The following NDST1 variants were observed in gnomAD, a reference collection of about 807,000 sequenced individuals.
The protein encoded by NDST1 is N-deacetylase and N-sulfotransferase 1, also known as bifunctional heparan sulfate N-deacetylase/N-sulfotransferase 1.
Under a neutral mutation model 92.8 loss-of-function variants are expected in NDST1, and 35 were observed. The ratio of observed to expected loss-of-function variants is 0.38; its 90% CI spans 0.29 to 0.50. The LOEUF (loss-of-function observed/expected upper bound fraction) is 0.50, where lower values mean the gene tolerates loss of function less well. Ranked by LOEUF, NDST1 falls within the 20% of genes least tolerant of loss-of-function variation. NDST1 has a pLI of 0.94. For missense variants in NDST1, 822 were observed against 1,182.7 expected (o/e 0.69, Z 4.47); for synonymous variants, 493 against 500.3 (o/e 0.99, Z 0.19).
intron 1 of NDST1, among the ~76,000 whole-genome samples, chr5:150,513,336 C>G (rs964350199): frequency 6.7e-6 from 1 of 149,044 alleles, no homozygotes; most frequent in African/African-American, 2.5e-5. Flanking sequence ...ACTAAAAATA[C>G]AAAAATTAGC....
intron 1 of NDST1, among the ~76,000 whole-genome samples, chr5:150,515,387 G>A (rs536506245): frequency 4.6e-5 from 7 of 152,236 alleles, no homozygotes; most frequent in Non-Finnish European, 8.8e-5. Flanking sequence ...TACTGTGCAA[G>A]CCAAAGAGCA....
intron 5 of NDST1, 111 bp from the exon 6 acceptor site, chr5:150,535,589 C>T: frequency 7.3e-7 from 1 of 1,365,078 alleles, no homozygotes; most frequent in Non-Finnish European, 1.0e-6. Flanking sequence ...CTCAGACCAG[C>T]AGCCATGCCG....
In NDST1 at chr5:150,553,894, C is replaced by T; in HGVS notation, c.*562C>T. ...CCCAGCCTCCACATCTGGTTCCTAC[C>T]TTCACATCTCACCCTCCCGTTCTGG... is the stretch of plus-strand genomic sequence containing the variant. On this transcript the variant is annotated 3_prime_UTR_variant, in exon 15 of 15. Transcript: ENST00000261797. This position sits in a 1 kb window ranked among gnomAD's most constrained non-coding sequence, Gnocchi z 4.2. 2.3e-6 allele frequency: 1 copy of T among 426,610 alleles called. No individual in the cohort carries two copies. The highest frequency in any genetic ancestry group is 4.1e-6 in the Non-Finnish European group (1 of 241,824). The allele number at this position is 426,610 out of a possible 1,614,324, so 26.4% of individuals were successfully genotyped here. A position where few individuals can be genotyped will look rare whatever the true frequency, so the allele number is the denominator to read the frequency against.
At chr5:150,513,425 G>C (rs980886147) in intron 1 of NDST1, among the ~76,000 whole-genome samples, 2 of 152,184 alleles carry the variant, frequency 1.3e-5, no homozygotes, top group Non-Finnish European at 2.9e-5. Flanking sequence ...TTGAACCCAG[G>C]AGGGGAAGGC....
At chr5:150,535,258 T>C (rs895892225) in intron 5 of NDST1, 1 of 953,452 alleles carries the variant, frequency 1.0e-6, no homozygotes, top group Non-Finnish European at 1.2e-6. Context: ...TACTAAGAGG[T>C]CCAGCTGGGA....
chr5:150,534,038 G>A (rs914602238), intron 4 of NDST1, among the ~76,000 whole-genome samples: 6 of 150,438 alleles, frequency 4.0e-5, no homozygotes, highest in African/African-American at 1.5e-4. Context: ...AGCTATGATC[G>A]CACAACTGTA....
intron 1 of NDST1, among the ~76,000 whole-genome samples, chr5:150,500,127 T>G (rs918563483): frequency 2.0e-5 from 3 of 152,210 alleles, no homozygotes; most frequent in African/African-American, 7.2e-5. Flanking sequence ...TAAGATGTCT[T>G]CTCCTGGAAG....
At position 150,529,284 on chromosome 5, in the gene NDST1, T is replaced by G. The variant is rs1165263273; in HGVS notation, c.1008+986T>G. Among the ~76,000 whole-genome samples the G allele has an allele frequency of 2.7e-5, 4 of 146,366 alleles. No individual in the cohort carries two copies. The East Asian group carries it at 8.1e-4, about 30-fold the overall frequency. On this transcript the variant is annotated intron_variant, in intron 3 of 14. Coordinates refer to ENST00000261797, the MANE Select transcript of NDST1 (RefSeq NM_001543.5). Reference sequence around the variant, plus strand: ...TAGTAGTCCTGTAGTCCTAGCTATCTGGGAGGCTGAGGCAGGAGGATTGCT... The same window carrying G: ...TAGTAGTCCTGTAGTCCTAGCTATCGGGGAGGCTGAGGCAGGAGGATTGCT...
At chr5:150,511,789 G>A (rs1371850346) in intron 1 of NDST1, among the ~76,000 whole-genome samples, 1 of 152,126 alleles carries the variant, frequency 6.6e-6, no homozygotes, top group Non-Finnish European at 1.5e-5. Context: ...ATTTGCTTCT[G>A]GTCTCGGCCT....
At chr5:150,532,719 G>A (rs1367391893) in intron 3 of NDST1, among the ~76,000 whole-genome samples, 1 of 152,138 alleles carries the variant, frequency 6.6e-6, no homozygotes, top group African/African-American at 2.4e-5. Context: ...TAGAGACTGG[G>A]TTTTGCCATG....
chr5:150,503,089 TG>T lies in NDST1; in HGVS notation c.-388+4853del, dbSNP rs542318704. ...GCCTCAATTTTCTCATCTGTAGAAATGGGCCAGTGATAGTACCTGCCTCACA... is the reference window on the plus strand; with the variant it reads ...GCCTCAATTTTCTCATCTGTAGAAATGGCCAGTGATAGTACCTGCCTCACA... On this transcript the variant is annotated intron_variant, in intron 1 of 1. Coordinates refer to the NDST1 transcript ENST00000518299. 2.8e-4 allele frequency among the ~76,000 whole-genome samples: 42 copies of T among 152,158 alleles called. No homozygotes were observed. In the South Asian group the frequency reaches 8.1e-3, roughly 29 times the overall value.
intron 1 of NDST1, among the ~76,000 whole-genome samples, chr5:150,514,299 G>T (rs1426595659): frequency 3.3e-5 from 5 of 152,210 alleles, no homozygotes; most frequent in Non-Finnish European, 5.9e-5. Context: ...GCTGGGCGTG[G>T]TGGCTCACGC....
rs192160016 is a variant in NDST1 at position 150,553,696 on chromosome 5, C to T, written c.*364C>T. 714 of 414,264 alleles carry T rather than the reference C, an allele frequency of 1.7e-3. 2 individuals are homozygous for T. Among genetic ancestry groups the T allele is most frequent in the Non-Finnish European group, 2.2e-3 (471 of 218,292 alleles). The allele number at this position is 414,264 out of a possible 1,614,324, so 25.7% of individuals were successfully genotyped here. The stretch of plus-strand genomic sequence containing the variant: ...TCACTCCCTGCTTCCGCAGGGCGCC[C>T]CTCAGTATTCGCTGCCATATGTCCC... On this transcript the variant is annotated 3_prime_UTR_variant, in exon 15 of 15. Transcript: ENST00000261797. The surrounding 1 kb of genome is among the most constrained non-coding windows in gnomAD (Gnocchi z 4.2).
Position 150,521,152 on chromosome 5 carries a change from G to A in NDST1, c.-103G>A. 9 of 1,078,590 alleles carry A rather than the reference G, an allele frequency of 8.3e-6. No homozygotes were observed. The highest frequency in any genetic ancestry group is 1.2e-5 in the Non-Finnish European group (9 of 748,200). The allele number at this position is 1,078,590 out of a possible 1,614,324, so 66.8% of individuals were successfully genotyped here. The stretch of plus-strand genomic sequence containing the variant: ...AGGGCGTCGCTTCCTAAGTCTCTGT[G>A]AATTTGTTGGTCAGTGGACGATTCT... On this transcript the variant is annotated 5_prime_UTR_variant, in exon 2 of 15. Transcript: ENST00000261797. This position sits in a 1 kb window ranked among gnomAD's most constrained non-coding sequence, Gnocchi z 5.9.
chr5:150,539,908 C>T (rs770660802), intron 7 of NDST1, 174 bp from the exon 8 acceptor site: 34 of 746,108 alleles, frequency 4.6e-5, no homozygotes, highest in Non-Finnish European at 5.6e-5. Flanking sequence ...AGGCCTGGTT[C>T]GTCTGTCACC....
At chr5:150,506,974 C>T (rs968159968), upstream of NDST1, among the ~76,000 whole-genome samples, 12 of 152,230 alleles carry the variant, frequency 7.9e-5, no homozygotes, top group African/African-American at 2.7e-4. Context: ...TGGCTTCCGT[C>T]CTCACTGGCC....
At chr5:150,524,197 C>T (rs894192112) in intron 2 of NDST1, among the ~76,000 whole-genome samples, 20 of 152,250 alleles carry the variant, frequency 1.3e-4, no homozygotes, top group Non-Finnish European at 2.8e-4. Context: ...GGGCTAATTA[C>T]AGCTGCTGCC....
chr5:150,539,331 T>C lies in NDST1; in HGVS notation c.1541T>C (p.Leu514Pro). ...ELDKIINGGE[L>P]FLTVLLNPIS... Reference sequence around the variant, plus strand: ...GACAAGATCATCAACGGGGGCGAGCTCTTCCTCACCGTGCTCCTCAATCCT... The same window carrying C: ...GACAAGATCATCAACGGGGGCGAGCCCTTCCTCACCGTGCTCCTCAATCCT... Residue 514 changes from leucine (L) to proline (P), a missense_variant, in exon 7 of 15, where the codon CTC becomes CCC. By Grantham distance (98) the Leu-to-Pro change is moderately conservative (BLOSUM62 -3). Coordinates refer to ENST00000261797, the MANE Select transcript of NDST1 (RefSeq NM_001543.5). The C allele has an allele frequency of 6.2e-7, 1 of 1,613,956 alleles. No individual in the cohort carries two copies. The highest frequency in any genetic ancestry group is 8.5e-7 in the Non-Finnish European group (1 of 1,180,022).
chr5:150,539,959 G>A (rs986832403), intron 7 of NDST1, 123 bp from the exon 8 acceptor site: 37 of 1,360,456 alleles, frequency 2.7e-5, no homozygotes, highest in Admixed American at 7.7e-5. Flanking sequence ...CAGCGCCAGC[G>A]TAACTTCCAC....
Sources: gnomAD v4.1 joint callset for allele counts (sites outside exome capture counted in the v4.1 genomes callset) on GRCh38, gnomAD v4.1.1 for gene constraint, Gnocchi (gnomAD v3.1) non-coding constraint, MANE v1.5 for transcripts, NCBI Gene and HGNC (gene_info 2026-07-23, HGNC 2026-07-21) for gene names.